Variants in SCOC observed in about 807,000 individuals in gnomAD.
SCOC encodes the protein short coiled-coil protein.
A neutral mutation model predicts 9.9 loss-of-function variants in SCOC; 7 were observed. The observed-to-expected ratio is 0.71, with a 90% CI of 0.40 to 1.33. The LOEUF (loss-of-function observed/expected upper bound fraction) is 1.33, where lower values mean the gene tolerates loss of function less well. Ranked by LOEUF, SCOC falls within the 40% of genes most tolerant of loss-of-function variation. The probability of loss-of-function intolerance (pLI) is 0.01; values close to 1 mark genes in which losing one functional copy is unlikely to be tolerated. For missense variants in SCOC, 66 were observed against 89.7 expected, an observed-to-expected ratio of 0.74 and a Z score of 1.07; for synonymous variants, 19 against 28.2, an observed-to-expected ratio of 0.67 and a Z score of 1.03.
chr4:140,259,037 C>A (rs1478536715), intron 1 of SCOC, among the ~76,000 whole-genome samples: 1 of 152,216 alleles, frequency 6.6e-6, no homozygotes, highest in African/African-American at 2.4e-5. Flanking sequence ...ACGTCTCTTT[C>A]ATAGCAGCAT....
chr4:140,382,869 A>G lies in SCOC; in HGVS notation c.*1765A>G, dbSNP rs1390350164. On this transcript the variant is annotated 3_prime_UTR_variant, in exon 4 of 4. Transcript: ENST00000608372. ...ACCCAGTGATAAAGAATATAAATAT[A>G]GAAGTTTCTCTCCCAACCAGTGGTT... 3.9e-5 allele frequency: 6 copies of G among 152,244 alleles called. No individual in the cohort carries two copies. Among genetic ancestry groups the G allele is most frequent in the Admixed American group, 1.3e-4 (2 of 15,284 alleles). 9.4% of individuals were successfully genotyped at this position (152,244 alleles called of 1,614,324 possible).
chr4:140,270,439 TCCTCCCACCTTAC>T (rs1380862949), intron 1 of SCOC, among the ~76,000 whole-genome samples: 1 of 152,078 alleles, frequency 6.6e-6, no homozygotes, highest in Non-Finnish European at 1.5e-5. Context: ...GCTCAAGGGA[TCCTCCCACCTTAC>T]CCTCCCTAGT....
intron 2 of SCOC, among the ~76,000 whole-genome samples, chr4:140,355,379 T>C (rs998665968): frequency 2.6e-5 from 4 of 151,934 alleles, no homozygotes; most frequent in Admixed American, 2.0e-4. Flanking sequence ...TTATATGCAT[T>C]ATCTCAGTCC....
chr4:140,271,610 A>G (rs1006418855), intron 1 of SCOC, among the ~76,000 whole-genome samples: 4 of 152,166 alleles, frequency 2.6e-5, no homozygotes, highest in Admixed American at 6.5e-5. Flanking sequence ...GCATCTTGTG[A>G]GATAATATGT....
intron 2 of SCOC, among the ~76,000 whole-genome samples, chr4:140,362,309 T>TCTTCTTCTTCTTCTTCTTCTTCTTC (rs1578861442): frequency 1.6e-5 from 1 of 64,132 alleles, no homozygotes; most frequent in African/African-American, 4.7e-5. Flanking sequence ...CTTTTTTTTT[T>TCTTCTTCTTCTTCTTCTTCTTCTTC]TTTTTTGTGA....
At position 140,353,505 on chromosome 4, in the gene SCOC, C is replaced by T. The variant is rs1441969722; in HGVS notation, c.70+9797C>T. On this transcript the variant is annotated intron_variant, in intron 2 of 4. Transcript: ENST00000338517. ...GACTCACTGCAACCTCTGCCTCCCG[C>T]GTTCAAGCGATTCTCCTGCCTCATC... is the stretch of plus-strand genomic sequence containing the variant. 7.3e-5 allele frequency among the ~76,000 whole-genome samples: 11 copies of T among 151,662 alleles called. 1 individual carries two copies. Among genetic ancestry groups the T allele is most frequent in the Admixed American group, 7.2e-4 (11 of 15,224 alleles).
rs1227279512 is a variant in SCOC, at chr4:140,349,686, C to T, written c.70+5978C>T. Among the ~76,000 whole-genome samples the T allele has an allele frequency of 2.6e-5, 4 of 152,348 alleles. No homozygotes were observed. In the South Asian group the frequency reaches 8.3e-4, roughly 32 times the overall value. On this transcript the variant is annotated intron_variant, in intron 2 of 4. Coordinates refer to the SCOC transcript ENST00000338517. ...TTCTTTCTCACAATCTGATCAATCA[C>T]CAATTCTTGTTGACTTGACCTTGGA...
chr4:140,257,444 G>A (rs1730534609), intron 1 of SCOC: 1 of 152,150 alleles, frequency 6.6e-6, no homozygotes, highest in Non-Finnish European at 1.5e-5. Context: ...CTGGGCACAG[G>A]CTTTGTTCAA....
At chr4:140,258,251 G>T (rs1423108622) in intron 1 of SCOC, among the ~76,000 whole-genome samples, 1 of 152,194 alleles carries the variant, frequency 6.6e-6, no homozygotes, top group Non-Finnish European at 1.5e-5. Flanking sequence ...ATGTTTATTA[G>T]GTAGTTATTT....
Position 140,349,587 on chromosome 4 carries a change from C to T in SCOC, c.70+5879C>T, listed in dbSNP as rs556515590. On this transcript the variant is annotated intron_variant, in intron 2 of 4. Coordinates refer to the SCOC transcript ENST00000338517. ...CTTCTCCCCCCAATCTATTCCCACT[C>T]CTATATTCATAATTTTAATTAATGG... is the stretch of plus-strand genomic sequence containing the variant. Among the ~76,000 whole-genome samples the T allele has an allele frequency of 2.0e-5, 3 of 152,304 alleles. No individual in the cohort carries two copies. The East Asian group carries it at 5.8e-4, about 29-fold the overall frequency.
chr4:140,334,026 T>C (rs1233948540), intron 1 of SCOC, among the ~76,000 whole-genome samples: 1 of 152,100 alleles, frequency 6.6e-6, no homozygotes, highest in African/African-American at 2.4e-5. Context: ...CAAGTGATCC[T>C]CCTACCTCAG....
intron 2 of SCOC, among the ~76,000 whole-genome samples, chr4:140,353,667 C>T (rs553874210): frequency 2.6e-5 from 4 of 152,174 alleles, no homozygotes; most frequent in African/African-American, 7.2e-5. Context: ...CAAAGTGCTG[C>T]GATTACAGGC....
At chr4:140,267,595 G>A (rs1243001235) in intron 1 of SCOC, among the ~76,000 whole-genome samples, 2 of 152,090 alleles carry the variant, frequency 1.3e-5, no homozygotes, top group African/African-American at 4.8e-5. Flanking sequence ...GAGAAACGAG[G>A]CCTTCTCCCC....
chr4:140,292,576 C>A (rs1233138182), intron 1 of SCOC, among the ~76,000 whole-genome samples: 3 of 152,194 alleles, frequency 2.0e-5, no homozygotes, highest in African/African-American at 4.8e-5. Context: ...TGAAACCCAA[C>A]ATATTCCTGA....
intron 1 of SCOC, among the ~76,000 whole-genome samples, chr4:140,313,210 A>C (rs147869503): frequency 6.6e-6 from 1 of 152,338 alleles, no homozygotes; most frequent in East Asian, 1.9e-4. Context: ...ACTAACCTGA[A>C]GTTTATCCTG....
chr4:140,259,353 C>A (rs1730578802), intron 1 of SCOC, among the ~76,000 whole-genome samples: 1 of 152,186 alleles, frequency 6.6e-6, no homozygotes, highest in Non-Finnish European at 1.5e-5. Flanking sequence ...TAGTTAGACT[C>A]TTTTTATCTC....
rs1728594353 is a variant in SCOC, at chr4:140,382,136, A to G, written c.*1032A>G. ...ATGGTGTATTAGTATTAGAATAGTGAATAAAATGGGAAAGTTATACATGTA... is the reference window on the plus strand; with the variant it reads ...ATGGTGTATTAGTATTAGAATAGTGGATAAAATGGGAAAGTTATACATGTA... On this transcript the variant is annotated 3_prime_UTR_variant, in exon 4 of 4. Coordinates refer to ENST00000608372, the MANE Select transcript of SCOC (RefSeq NM_001153484.2). 1 of 152,194 alleles carries G rather than the reference A, an allele frequency of 6.6e-6. No individual in the cohort carries two copies. Among genetic ancestry groups the G allele is most frequent in the Admixed American group, 6.5e-5 (1 of 15,282 alleles). 9.4% of individuals were successfully genotyped at this position (152,194 alleles called of 1,614,324 possible).
intron 1 of SCOC, among the ~76,000 whole-genome samples, chr4:140,334,795 G>A (rs1732912815): frequency 6.6e-6 from 1 of 151,986 alleles, no homozygotes; most frequent in Admixed American, 6.6e-5. Flanking sequence ...GATTCCATGA[G>A]TTTGACTATT....
chr4:140,319,280 G>A (rs1732427285), intron 1 of SCOC, among the ~76,000 whole-genome samples: 1 of 152,022 alleles, frequency 6.6e-6, no homozygotes, highest in Non-Finnish European at 1.5e-5. Context: ...TAGTAGAGAT[G>A]GGGTTTCTCC....
Sources: allele counts gnomAD v4.1 joint callset (sites outside exome capture counted in the v4.1 genomes callset), GRCh38; gene constraint gnomAD v4.1.1; transcripts MANE v1.5; gene names NCBI Gene and HGNC (gene_info 2026-07-23, HGNC 2026-07-21).